The following CCDC88A variants were observed in gnomAD, a reference collection of about 807,000 sequenced individuals.
The protein encoded by CCDC88A is coiled-coil and HOOK domain protein 88A.
A neutral mutation model predicts 234.3 loss-of-function variants in CCDC88A; 54 were observed. That is an observed-to-expected ratio of 0.23 (90% CI 0.19 to 0.29). CCDC88A has a LOEUF of 0.29. Ranked by LOEUF, CCDC88A falls within the 10% of genes least tolerant of loss-of-function variation. The probability of loss-of-function intolerance (pLI) is 1.00; values close to 1 mark genes in which losing one functional copy is unlikely to be tolerated. For missense variants in CCDC88A, 1,832 were observed against 2,123.4 expected (o/e 0.86, Z 2.70); for synonymous variants, 753 against 737.8 (o/e 1.02, Z -0.33).
chr2:55,377,592 A>G (rs1251197988), intron 3 of CCDC88A, among the ~76,000 whole-genome samples: 17 of 151,840 alleles, frequency 1.1e-4, no homozygotes, highest in Admixed American at 9.8e-4. Flanking sequence ...AGAAGTTTTA[A>G]TTTTTTATTT....
intron 31 of CCDC88A, 139 bp downstream of exon 31, chr2:55,295,458 C>T (rs1465481340): frequency 1.9e-6 from 3 of 1,563,980 alleles, no homozygotes; most frequent in Admixed American, 1.9e-5. Context: ...AAAATGTGAC[C>T]TTCCTGTTCT....
At chr2:55,297,340 T>TTATATATTATATATAATATATATTA (rs1680224274) in intron 29 of CCDC88A, among the ~76,000 whole-genome samples, 25 of 36,826 alleles carry the variant, frequency 6.8e-4, no homozygotes, top group African/African-American at 2.6e-3. Context: ...ATATATAAAT[T>TTATATATTATATATAATATATATTA]TATATATTAT....
At chr2:55,391,302 T>G (rs183335611) in intron 2 of CCDC88A, among the ~76,000 whole-genome samples, 3 of 152,130 alleles carry the variant, frequency 2.0e-5, no homozygotes, top group African/African-American at 7.2e-5. Flanking sequence ...TGCAAGTAAC[T>G]TGACAACCTG....
chr2:55,343,835 A>G (rs1553409247), intron 11 of CCDC88A, 43 bp from the exon 12 acceptor site: 14 of 1,497,534 alleles, frequency 9.3e-6, no homozygotes, highest in Non-Finnish European at 1.3e-5. Flanking sequence ...AAGCTAAGAA[A>G]CAGTACAATT....
At position 55,403,738 on chromosome 2, in the gene CCDC88A, G is replaced by C. The variant is rs894900156; in HGVS notation, c.165-14852C>G. The C allele has an allele frequency of 2.6e-5, 4 of 152,318 alleles. No homozygotes were observed. In the East Asian group the frequency reaches 7.7e-4, roughly 29 times the overall value. 9.4% of individuals were successfully genotyped at this position (152,318 alleles called of 1,614,324 possible). A position where few individuals can be genotyped will look rare whatever the true frequency, so the allele number is the denominator to read the frequency against. On this transcript the variant is annotated intron_variant, in intron 2 of 32. Coordinates refer to ENST00000436346, the MANE Select transcript of CCDC88A (RefSeq NM_001365480.1). ...AATCAATTCCTGTTCTTGGTATAGA[G>C]ACCTGGGGACTTAATATTATGCTAA...
At chr2:55,338,990 T>C (rs1304691385) in intron 13 of CCDC88A, 1 of 151,062 alleles carries the variant, frequency 6.6e-6, no homozygotes, top group Non-Finnish European at 1.5e-5. Context: ...TGAGTCTTGC[T>C]CTATGGCCCA....
At chr2:55,301,772 T>C in intron 27 of CCDC88A, 100 bp downstream of exon 27, 2 of 951,208 alleles carry the variant, frequency 2.1e-6, no homozygotes, top group East Asian at 2.4e-5. Flanking sequence ...TTGATAATTA[T>C]TTCAGGTTGC....
At chr2:55,417,988 G>A (rs1681757668) in intron 2 of CCDC88A, 1 of 152,124 alleles carries the variant, frequency 6.6e-6, no homozygotes, top group East Asian at 1.9e-4. Flanking sequence ...CTACATTAGC[G>A]TACTTAGAAT....
In CCDC88A at chr2:55,355,606, G is replaced by C. The variant is rs1248469689; in HGVS notation, c.773C>G (p.Ala258Gly). The change falls in exon 8 of 33, where the codon GCC becomes GGC. Residue 258 changes from alanine to glycine, a missense_variant. Physicochemically the swap from Ala to Gly is moderately conservative, Grantham distance 60. Coordinates refer to ENST00000436346, the MANE Select transcript of CCDC88A (RefSeq NM_001365480.1). The stretch of plus-strand genomic sequence containing the variant: ...TTCCTGCCTAAGCCTTCTTATCTTG[G>C]CTTTAGCATCTGCCAGTTCCACCGA... Reference protein sequence around the residue: ...HLSVELADAKAKIRRLRQELE... With the variant: ...HLSVELADAKGKIRRLRQELE... 6.2e-7 allele frequency: 1 copy of C among 1,613,876 alleles called. No individual in the cohort carries two copies. The highest frequency in any genetic ancestry group is 1.3e-5 in the African/African-American group (1 of 74,864).
chr2:55,292,383 A>T (rs192631070), intron 31 of CCDC88A: 1 of 152,298 alleles, frequency 6.6e-6, no homozygotes, highest in Non-Finnish European at 1.5e-5. Context: ...AATAAGTGCA[A>T]TTGCTCAATT....
intron 9 of CCDC88A, among the ~76,000 whole-genome samples, chr2:55,347,967 CT>C (rs1048361807): frequency 4.9e-5 from 7 of 143,390 alleles, no homozygotes; most frequent in Non-Finnish European, 7.6e-5. Flanking sequence ...TTTTTAATGA[CT>C]TTTTTTTTTC....
intron 12 of CCDC88A, among the ~76,000 whole-genome samples, chr2:55,341,657 C>G (rs1254149647): frequency 6.9e-6 from 1 of 145,034 alleles, no homozygotes. Flanking sequence ...ATTGGTCAGG[C>G]TGGTCTTGAA....
intron 4 of CCDC88A, among the ~76,000 whole-genome samples, chr2:55,372,941 G>A (rs892942090): frequency 6.6e-6 from 1 of 152,120 alleles, no homozygotes; most frequent in Non-Finnish European, 1.5e-5. Flanking sequence ...CAGATCTTAT[G>A]ATTCATCTCC....
At chr2:55,352,680 C>T (rs992503091) in intron 8 of CCDC88A, among the ~76,000 whole-genome samples, 5 of 152,090 alleles carry the variant, frequency 3.3e-5, no homozygotes, top group African/African-American at 1.2e-4. Context: ...GTAGTATTAA[C>T]TACTGCATAA....
chr2:55,363,392 CAAG>C (rs1368633024), intron 6 of CCDC88A, among the ~76,000 whole-genome samples: 2 of 151,736 alleles, frequency 1.3e-5, no homozygotes, highest in Non-Finnish European at 3.0e-5. Flanking sequence ...ATTAAAAGCC[CAAG>C]AATAGACAGA....
rs145460784 is a variant in CCDC88A, at chr2:55,352,176, T to C, written c.801-2577A>G. 9.5e-4 allele frequency among the ~76,000 whole-genome samples: 145 copies of C among 152,216 alleles called. 1 individual carries two copies. The highest frequency in any genetic ancestry group is 2.3e-3 in the Admixed American group (35 of 15,290). ...GGCTGGGCACAGTGGCTCACTCTTGTAATCCCAGCACTTTGGGAGGCTGAG... is the reference window on the plus strand; with the variant it reads ...GGCTGGGCACAGTGGCTCACTCTTGCAATCCCAGCACTTTGGGAGGCTGAG... On this transcript the variant is annotated intron_variant, in intron 8 of 32. Coordinates refer to ENST00000436346, the MANE Select transcript of CCDC88A (RefSeq NM_001365480.1).
intron 31 of CCDC88A, chr2:55,295,003 A>G (rs1369349387): frequency 8.3e-7 from 1 of 1,202,788 alleles, no homozygotes; most frequent in East Asian, 5.9e-5. Context: ...AACTTTTCAA[A>G]TCATATTAGA....
At position 55,287,842 on chromosome 2, in the gene CCDC88A, T is replaced by C. The variant is rs1296801299; in HGVS notation, c.*3358A>G. On this transcript the variant is annotated 3_prime_UTR_variant, in exon 33 of 33. Transcript: ENST00000436346. ...TCATTTTTAAATGATTACTAACCAGTTGTTACAAAAATCACCTCTTGGTTT... is the reference window on the plus strand; with the variant it reads ...TCATTTTTAAATGATTACTAACCAGCTGTTACAAAAATCACCTCTTGGTTT... 6.6e-6 allele frequency: 1 copy of C among 152,246 alleles called. No homozygotes were observed. The highest frequency in any genetic ancestry group is 1.5e-5 in the Non-Finnish European group (1 of 68,030). 9.4% of individuals were successfully genotyped at this position (152,246 alleles called of 1,614,324 possible).
rs547733323 is a variant in CCDC88A at position 55,347,606 on chromosome 2, CT to C, written c.883-1274del. 8.3e-3 allele frequency among the ~76,000 whole-genome samples: 846 copies of C among 102,138 alleles called. 5 individuals carry two copies. Among genetic ancestry groups the C allele is most frequent in the African/African-American group, 0.023 (592 of 25,356 alleles). The allele number at this position is 102,138 out of a possible 152,430, so 67.0% of individuals were successfully genotyped here. ...ATACCTATGTTATCTATTCATCTAC[CT>C]TTTTTTTTTTTTTTTTTTTGAGACA... On this transcript the variant is annotated intron_variant, in intron 9 of 32. Transcript: ENST00000436346.
Sources: allele counts gnomAD v4.1 joint callset (sites outside exome capture counted in the v4.1 genomes callset), GRCh38; gene constraint gnomAD v4.1.1; transcripts MANE v1.5; gene names NCBI Gene and HGNC (gene_info 2026-07-23, HGNC 2026-07-21).